The following PSPH variants were observed in gnomAD, a reference collection of about 807,000 sequenced individuals.
The protein encoded by PSPH is L-3-phosphoserine phosphatase.
In PSPH, 16 loss-of-function variants were observed where a neutral mutation model predicts 23.4. The observed-to-expected ratio is 0.68, with a 90% confidence interval of 0.46 to 1.04. The LOEUF is 1.04. Among genes scored for constraint, PSPH ranks in the 50% least tolerant of loss-of-function variants. PSPH has a pLI of 0.00. For synonymous variants in PSPH, 68 were observed against 99.7 expected, an observed-to-expected ratio of 0.68 and a Z score of 1.89; for missense variants, 223 against 273.7, an observed-to-expected ratio of 0.81 and a Z score of 1.31.
intron 1 of PSPH, among the ~76,000 whole-genome samples, chr7:56,045,692 C>T (rs1035615523): frequency 1.2e-4 from 18 of 151,928 alleles, no homozygotes; most frequent in African/African-American, 4.1e-4. Context: ...TCGAGACCAT[C>T]CTGGCCAACA....
chr7:56,026,541 T>C (rs1378478451), intron 3 of PSPH, among the ~76,000 whole-genome samples: 1 of 147,230 alleles, frequency 6.8e-6, no homozygotes. Context: ...TGGTGGCTGA[T>C]GCCTGTTCCC....
intron 7 of PSPH, among the ~76,000 whole-genome samples, chr7:56,014,174 T>C (rs564804428): frequency 6.6e-5 from 10 of 152,128 alleles, no homozygotes; most frequent in Non-Finnish European, 1.0e-4. Context: ...AGGGCTGTTA[T>C]GAAGATTAAA....
intron 1 of PSPH, chr7:56,043,237 C>A (rs1792780737): frequency 6.6e-6 from 1 of 151,682 alleles, no homozygotes; most frequent in South Asian, 2.1e-4. Flanking sequence ...CCATTGCACT[C>A]CAGCCTGGGC....
chr7:56,038,377 T>A (rs1285463842), intron 1 of PSPH, among the ~76,000 whole-genome samples: 5 of 151,486 alleles, frequency 3.3e-5, no homozygotes, highest in Admixed American at 2.6e-4. Flanking sequence ...GAGAATGGCA[T>A]GAACCCAAGA....
intron 2 of PSPH, chr7:56,033,014 T>TTAA (rs2116938495): frequency 6.6e-6 from 1 of 151,460 alleles, no homozygotes; most frequent in South Asian, 2.1e-4. Context: ...CATTTGAAAA[T>TTAA]TTTAAAAGTC....
At chr7:56,013,006 T>TTATATATATACACACATATACTATATATG (rs148096732) in intron 7 of PSPH, among the ~76,000 whole-genome samples, 30,422 of 135,940 alleles carry the variant, frequency 0.22, 3,917 homozygotes, top group East Asian at 0.38. Context: ...TAGCATTTGA[T>TTATATATATACACACATATACTATATATG]TATATATATA....
chr7:56,028,135 T>G (rs921965971), intron 3 of PSPH, among the ~76,000 whole-genome samples: 39 of 151,946 alleles, frequency 2.6e-4, no homozygotes, highest in African/African-American at 9.4e-4. Flanking sequence ...GATTTACACA[T>G]CCCCAGCTGA....
At chr7:56,040,105 A>AT (rs1435996052) in intron 1 of PSPH, among the ~76,000 whole-genome samples, 3 of 152,030 alleles carry the variant, frequency 2.0e-5, no homozygotes, top group Non-Finnish European at 4.4e-5. Context: ...TCAAAAAAAA[A>AT]AAAATACCAA....
At chr7:56,016,861 G>A (rs927002520) in intron 6 of PSPH, among the ~76,000 whole-genome samples, 8 of 152,102 alleles carry the variant, frequency 5.3e-5, no homozygotes, top group Admixed American at 1.3e-4. Flanking sequence ...ACAGGCGTGA[G>A]CCACCGTGCC....
intron 1 of PSPH, among the ~76,000 whole-genome samples, chr7:56,044,138 C>G (rs1265297204): frequency 6.6e-6 from 1 of 152,054 alleles, no homozygotes; most frequent in East Asian, 1.9e-4. Flanking sequence ...GACGGGGTTT[C>G]TCCATGTTGG....
chr7:56,040,848 G>A (rs1200634088), intron 1 of PSPH, among the ~76,000 whole-genome samples: 1 of 151,964 alleles, frequency 6.6e-6, no homozygotes, highest in East Asian at 1.9e-4. Context: ...GCAAAAATGT[G>A]TTGTTTGAAA....
At chr7:56,018,995 T>C (rs986865751) in intron 5 of PSPH, among the ~76,000 whole-genome samples, 6 of 150,580 alleles carry the variant, frequency 4.0e-5, no homozygotes, top group African/African-American at 1.5e-4. Flanking sequence ...TTTTAAAAAT[T>C]AGCTGGGCAT....
At chr7:56,022,915 C>T (rs1009380705) in intron 3 of PSPH, among the ~76,000 whole-genome samples, 3 of 152,080 alleles carry the variant, frequency 2.0e-5, no homozygotes, top group African/African-American at 7.2e-5. Flanking sequence ...AAAAATTAGC[C>T]GGGCAGGATG....
intron 1 of PSPH, among the ~76,000 whole-genome samples, chr7:56,047,966 A>G (rs1278129595): frequency 6.8e-6 from 1 of 146,990 alleles, no homozygotes; most frequent in Non-Finnish European, 1.5e-5. Flanking sequence ...GTGCCCGGCC[A>G]TAATCTGTAT....
At chr7:56,043,258 G>A (rs1792784057) in intron 1 of PSPH, 1 of 147,374 alleles carries the variant, frequency 6.8e-6, no homozygotes, top group Non-Finnish European at 1.5e-5. Flanking sequence ...GATAGAGTGA[G>A]ACTCTATCTC....
intron 1 of PSPH, among the ~76,000 whole-genome samples, chr7:56,038,205 G>A (rs1330535876): frequency 1.3e-5 from 2 of 149,546 alleles, no homozygotes; most frequent in African/African-American, 2.5e-5. Flanking sequence ...TTGGGAGGCC[G>A]AGGAGGGCAG....
At chr7:56,016,297 G>C (rs1788545476) in intron 6 of PSPH, among the ~76,000 whole-genome samples, 2 of 151,150 alleles carry the variant, frequency 1.3e-5, no homozygotes, top group South Asian at 4.2e-4. Flanking sequence ...CCAGCTACTT[G>C]GGAGGCTGAG....
At chr7:56,032,426 TAAGGC>T (rs1480287902) in intron 2 of PSPH, among the ~76,000 whole-genome samples, 6 of 144,914 alleles carry the variant, frequency 4.1e-5, no homozygotes, top group Non-Finnish European at 9.1e-5. Flanking sequence ...TTTGGGAGGC[TAAGGC>T]GGGCGGATCA....
chr7:56,020,996 G>A, intron 4 of PSPH, 77 bp downstream of exon 4: 1 of 1,533,634 alleles, frequency 6.5e-7, no homozygotes, highest in Non-Finnish European at 8.9e-7. Context: ...CATAGCCAGG[G>A]TCTAGCACTT....
Sources: gnomAD v4.1 joint callset for allele counts (sites outside exome capture counted in the v4.1 genomes callset) on GRCh38, gnomAD v4.1.1 for gene constraint, MANE v1.5 for transcripts, NCBI Gene and HGNC (gene_info 2026-07-23, HGNC 2026-07-21) for gene names.